The following TNFRSF10A variants were observed in gnomAD, a reference collection of about 807,000 sequenced individuals.
TNFRSF10A encodes the protein tumor necrosis factor receptor superfamily member 10A.
Under a neutral mutation model 42.8 loss-of-function variants are expected in TNFRSF10A, and 44 were observed. That is an observed-to-expected ratio of 1.03 (90% CI 0.81 to 1.32). TNFRSF10A has a LOEUF of 1.32. Among genes scored for constraint, TNFRSF10A ranks in the 40% most tolerant of loss-of-function variants. The pLI is 0.00. For missense variants in TNFRSF10A, 680 were observed against 602.0 expected (o/e 1.13, Z -1.36); for synonymous variants, 259 against 234.2 (o/e 1.11, Z -0.97).
chr8:23,216,654 A>T (rs1010663689), intron 1 of TNFRSF10A, among the ~76,000 whole-genome samples: 1 of 152,176 alleles, frequency 6.6e-6, no homozygotes, highest in Admixed American at 6.5e-5. Flanking sequence ...AGACAGGAGA[A>T]TCACTTGAAC....
intron 1 of TNFRSF10A, among the ~76,000 whole-genome samples, chr8:23,212,532 C>T (rs1484092436): frequency 1.3e-5 from 2 of 152,218 alleles, no homozygotes; most frequent in African/African-American, 2.4e-5. Flanking sequence ...CACGATCCAT[C>T]CATTCGGTAC....
chr8:23,223,969 G>C (rs1030517046), intron 1 of TNFRSF10A, among the ~76,000 whole-genome samples: 4 of 152,182 alleles, frequency 2.6e-5, no homozygotes, highest in African/African-American at 9.7e-5. Context: ...GGAAGACAAC[G>C]AGCAGAGGAG....
intron 2 of TNFRSF10A, among the ~76,000 whole-genome samples, chr8:23,205,014 T>G (rs1428469884): frequency 3.3e-5 from 5 of 151,460 alleles, no homozygotes; most frequent in South Asian, 2.1e-4. Context: ...TCTAAGACAC[T>G]CGAAAAAGAA....
In TNFRSF10A at chr8:23,205,375, C is replaced by G. The variant is rs182568585; in HGVS notation, c.404-2614G>C. ...TTGTGGTAATGCTGATGTAAACAAA[C>G]CTACTTCACTGCCAGTTAAAAGTAT... On this transcript the variant is annotated intron_variant, in intron 2 of 9. Coordinates refer to ENST00000221132, the MANE Select transcript of TNFRSF10A (RefSeq NM_003844.4). Among the ~76,000 whole-genome samples, 60 of 152,108 alleles carry G rather than the reference C, an allele frequency of 3.9e-4. 1 individual carries two copies. The East Asian group carries it at 0.011, about 29-fold the overall frequency.
At chr8:23,195,998 A>C (rs1041589731) in intron 9 of TNFRSF10A, among the ~76,000 whole-genome samples, 2 of 152,160 alleles carry the variant, frequency 1.3e-5, no homozygotes, top group African/African-American at 4.8e-5. Flanking sequence ...AAACATAGAA[A>C]TTGACCCTTC....
In TNFRSF10A at chr8:23,202,693, A is replaced by G; in HGVS notation, c.472T>C (p.Ser158Pro). The change falls in exon 3 of 10, where the codon TCC becomes CCC. Residue 158 changes from serine to proline, a missense_variant. Transcript: ENST00000221132. ...GGGAGGCAAGCAAACAAATTGTTGG[A>G]AGCATTGGTGTAACCCACACCCTCT... is the stretch of plus-strand genomic sequence containing the variant. Reference protein sequence around the residue: ...CTEGVGYTNASNNLFACLPCT... With the variant: ...CTEGVGYTNAPNNLFACLPCT... The G allele has an allele frequency of 1.2e-6, 2 of 1,614,032 alleles. No individual in the cohort carries two copies. Among genetic ancestry groups the G allele is most frequent in the Non-Finnish European group, 1.7e-6 (2 of 1,179,972 alleles).
Position 23,201,815 on chromosome 8 carries a change from T to C in TNFRSF10A, c.622A>G (p.Ser208Gly). 6.2e-7 allele frequency: 1 copy of C among 1,614,152 alleles called. No homozygotes were observed. The highest frequency in any genetic ancestry group is 1.1e-5 in the South Asian group (1 of 91,076). Residue 208 changes from serine to glycine, a missense_variant, in exon 4 of 10, where the codon AGC becomes GGC. Coordinates refer to ENST00000221132, the MANE Select transcript of TNFRSF10A (RefSeq NM_003844.4). Reference protein sequence around the residue: ...DNSAEMCRKCSRGCPRGMVKV... With the variant: ...DNSAEMCRKCGRGCPRGMVKV... ...CCTTGGCTGTTGTCTCACCCTCTGC[T>C]GCACTTCCGGCACATCTCAGCAGAA...
At chr8:23,203,789 T>TA (rs888649419) in intron 2 of TNFRSF10A, among the ~76,000 whole-genome samples, 30 of 151,598 alleles carry the variant, frequency 2.0e-4, no homozygotes, top group African/African-American at 7.3e-4. Flanking sequence ...GGCTTTTTTT[T>TA]TTTTTTGAGA....
chr8:23,200,899 T>G (rs1585281208), intron 4 of TNFRSF10A, 139 bp from the exon 5 acceptor site: 3 of 813,600 alleles, frequency 3.7e-6, no homozygotes, highest in African/African-American at 3.4e-5. Context: ...CTGCAGGGGG[T>G]CCCCCTATGC....
Position 23,191,602 on chromosome 8 carries a change from G to T in TNFRSF10A, c.*92C>A, listed in dbSNP as rs1197664430. 2.8e-6 allele frequency: 4 copies of T among 1,436,388 alleles called. No individual in the cohort carries two copies. Among genetic ancestry groups the T allele is most frequent in the South Asian group, 3.0e-5 (2 of 66,366 alleles). The allele number at this position is 1,436,388 out of a possible 1,614,324, so 89.0% of individuals were successfully genotyped here. A position where few individuals can be genotyped will look rare whatever the true frequency, so the allele number is the denominator to read the frequency against. The stretch of plus-strand genomic sequence containing the variant: ...GGCATGAGCCACTACACCTGGCTAA[G>T]AATTTACTTTGTATACATGTTAAAA... On this transcript the variant is annotated 3_prime_UTR_variant, in exon 10 of 10. Transcript: ENST00000221132.
At chr8:23,201,057 A>C (rs1459070281) in intron 4 of TNFRSF10A, among the ~76,000 whole-genome samples, 1 of 152,072 alleles carries the variant, frequency 6.6e-6, no homozygotes, top group Non-Finnish European at 1.5e-5. Context: ...CTGCGTTAGG[A>C]GGAATCACAC....
intron 1 of TNFRSF10A, among the ~76,000 whole-genome samples, chr8:23,220,928 C>T (rs1264814347): frequency 2.6e-5 from 4 of 152,210 alleles, no homozygotes; most frequent in African/African-American, 9.7e-5. Flanking sequence ...GCAACCAGTG[C>T]CGGGTGCCCA....
intron 2 of TNFRSF10A, among the ~76,000 whole-genome samples, chr8:23,210,436 CT>C (rs1192602252): frequency 6.6e-6 from 1 of 152,130 alleles, no homozygotes; most frequent in Non-Finnish European, 1.5e-5. Flanking sequence ...AATCCCAGCA[CT>C]TTGGAAGGCT....
intron 6 of TNFRSF10A, among the ~76,000 whole-genome samples, chr8:23,200,127 A>G (rs925480979): frequency 6.6e-6 from 1 of 152,204 alleles, no homozygotes; most frequent in Non-Finnish European, 1.5e-5. Context: ...AACAAGTGGA[A>G]CATCACTGTT....
intron 1 of TNFRSF10A, among the ~76,000 whole-genome samples, chr8:23,216,959 T>C (rs1400782193): frequency 6.6e-6 from 1 of 152,206 alleles, no homozygotes; most frequent in Non-Finnish European, 1.5e-5. Context: ...TGGTCTATCT[T>C]GGTGAAGTAC....
chr8:23,199,307 C>T lies in TNFRSF10A; in HGVS notation c.973G>A (p.Gly325Ser). Residue 325 changes from glycine (G) to serine (S), a missense_variant, in exon 8 of 10, where the codon GGT becomes AGT. By Grantham distance (56) the Gly-to-Ser change is moderately conservative (BLOSUM62 0). Transcript: ENST00000221132. Reference sequence around the variant, plus strand: ...TCCCCTGGGGACTGTACAGTGACACCTGTCAAATCTGCCGGCTCCTGGCTT... The same window carrying T: ...TCCCCTGGGGACTGTACAGTGACACTTGTCAAATCTGCCGGCTCCTGGCTT... The part of the protein sequence containing the change: ...MESQEPADLT[G>S]VTVQSPGEAQ... 2 of 1,614,208 alleles carry T rather than the reference C, an allele frequency of 1.2e-6. No homozygotes were observed. The highest frequency in any genetic ancestry group is 1.7e-6 in the Non-Finnish European group (2 of 1,180,028).
chr8:23,212,222 C>A lies in TNFRSF10A; in HGVS notation c.307-10G>T. ...CTGAGCTAGGTACGACCTGTGGGGA[C>A]AAAGCAGGGACTGGCATGAGTGGCT... On this transcript the variant is annotated splice_polypyrimidine_tract_variant and intron_variant, in intron 1 of 9. Transcript: ENST00000221132. 3 of 1,611,898 alleles carry A rather than the reference C, an allele frequency of 1.9e-6. No individual in the cohort carries two copies. The highest frequency in any genetic ancestry group is 2.5e-6 in the Non-Finnish European group (3 of 1,178,498).
At chr8:23,200,272 C>T (rs955532991) in intron 6 of TNFRSF10A, among the ~76,000 whole-genome samples, 1 of 152,184 alleles carries the variant, frequency 6.6e-6, no homozygotes, top group Non-Finnish European at 1.5e-5. Flanking sequence ...ACTGGCCCTG[C>T]CTTCCCAGAC....
chr8:23,217,305 T>C (rs1461005637), intron 1 of TNFRSF10A, among the ~76,000 whole-genome samples: 1 of 152,162 alleles, frequency 6.6e-6, no homozygotes, highest in Non-Finnish European at 1.5e-5. Flanking sequence ...AACCTCCGAA[T>C]CCCTGGTTCA....
Sources: allele counts gnomAD v4.1 joint callset (sites outside exome capture counted in the v4.1 genomes callset), GRCh38; gene constraint gnomAD v4.1.1; transcripts MANE v1.5; gene names NCBI Gene and HGNC (gene_info 2026-07-23, HGNC 2026-07-21).